Variants in MALL observed in about 807,000 individuals in gnomAD.
The protein encoded by MALL is MAL-like protein.
A neutral mutation model predicts 10.3 loss-of-function variants in MALL; 2 were observed. That is an observed-to-expected ratio of 0.19 (90% CI 0.08 to 0.61). The LOEUF is 0.61. MALL is among the 20% of genes least tolerant of loss of function. The pLI is 0.88. For missense variants in MALL, 39 were observed against 115.2 expected, an observed-to-expected ratio of 0.34 and a Z score of 3.03; for synonymous variants, 27 against 51.8, an observed-to-expected ratio of 0.52 and a Z score of 2.05.
At chr2:110,095,928 T>C (rs1678431292) in intron 1 of MALL, among the ~76,000 whole-genome samples, 1 of 152,194 alleles carries the variant, frequency 6.6e-6, no homozygotes, top group Admixed American at 6.5e-5. Flanking sequence ...TGGATTGGAA[T>C]GCATCAACTA....
At chr2:110,116,464 C>G (rs1242284668), upstream of MALL, 1 of 152,404 alleles carries the variant, frequency 6.6e-6, no homozygotes, top group Non-Finnish European at 1.5e-5. Flanking sequence ...GTCCTCCACT[C>G]CTCTTTTCCT....
chr2:110,116,085 T>C (rs982341051), upstream of MALL: 1 of 313,812 alleles, frequency 3.2e-6, no homozygotes, highest in African/African-American at 2.1e-5. Context: ...CCCCGGAGCA[T>C]GTTATTCCAG....
chr2:110,100,594 G>A lies in MALL; in HGVS notation c.106-8824C>T, dbSNP rs1054260989. Among the ~76,000 whole-genome samples, 94 of 152,218 alleles carry A rather than the reference G, an allele frequency of 6.2e-4. 1 individual carries two copies. Among genetic ancestry groups the A allele is most frequent in the Admixed American group, 2.2e-3 (33 of 15,298 alleles). ...TTCACTTACACACACACCCACACCC[G>A]CCTGTAGTGTACCAGGTTGCGATGG... On this transcript the variant is annotated intron_variant, in intron 1 of 3. Transcript: ENST00000272462.
Position 110,115,676 on chromosome 2 carries a change from T to C in MALL, c.105+12A>G, listed in dbSNP as rs376999227. The C allele has an allele frequency of 1.2e-4, 155 of 1,264,064 alleles. No individual in the cohort carries two copies. The highest frequency in any genetic ancestry group is 1.5e-4 in the Non-Finnish European group (147 of 996,760). The allele number at this position is 1,264,064 out of a possible 1,614,324, so 78.3% of individuals were successfully genotyped here. A position where few individuals can be genotyped will look rare whatever the true frequency, so the allele number is the denominator to read the frequency against. ...CTCTGCAGGTGGCCCGGGTCGGGGG[T>C]GCCGCACTCACCAGCTCGGGCAGGA... On this transcript the variant is annotated intron_variant, in intron 1 of 3. Coordinates refer to ENST00000272462, the MANE Select transcript of MALL (RefSeq NM_005434.5).
chr2:110,099,386 A>C (rs754309877), intron 1 of MALL, among the ~76,000 whole-genome samples: 3 of 152,178 alleles, frequency 2.0e-5, no homozygotes, highest in Admixed American at 6.5e-5. Context: ...CTTAGCAAGT[A>C]GGTGGATTTG....
At chr2:110,095,551 G>C (rs1678422710) in intron 1 of MALL, among the ~76,000 whole-genome samples, 1 of 151,772 alleles carries the variant, frequency 6.6e-6, no homozygotes, top group Non-Finnish European at 1.5e-5. Context: ...TTAGAAAGTG[G>C]TTAAGAACTA....
chr2:110,096,304 T>G (rs980472029), intron 1 of MALL, among the ~76,000 whole-genome samples: 1 of 152,156 alleles, frequency 6.6e-6, no homozygotes, highest in Non-Finnish European at 1.5e-5. Flanking sequence ...CCATGCACCA[T>G]GCAGCGCCTT....
intron 1 of MALL, among the ~76,000 whole-genome samples, chr2:110,111,469 G>C (rs1372636766): frequency 6.6e-6 from 1 of 151,800 alleles, no homozygotes; most frequent in Non-Finnish European, 1.5e-5. Flanking sequence ...CCCCTTTCAT[G>C]ATAGCTGCAA....
At chr2:110,104,986 G>A (rs1238885303) in intron 1 of MALL, among the ~76,000 whole-genome samples, 2 of 152,184 alleles carry the variant, frequency 1.3e-5, no homozygotes, top group Non-Finnish European at 2.9e-5. Flanking sequence ...AGTAGTATGG[G>A]CTGGCATTAT....
chr2:110,096,919 A>G (rs1294148954), intron 1 of MALL, among the ~76,000 whole-genome samples: 2 of 152,082 alleles, frequency 1.3e-5, no homozygotes, highest in African/African-American at 4.8e-5. Flanking sequence ...ATTTCACTTG[A>G]TGGAATTTGT....
At chr2:110,095,681 GTCA>G (rs921731939) in intron 1 of MALL, among the ~76,000 whole-genome samples, 2 of 150,634 alleles carry the variant, frequency 1.3e-5, no homozygotes, top group Non-Finnish European at 2.9e-5. Flanking sequence ...ATCTAATCGC[GTCA>G]TCATTTAAAA....
intron 1 of MALL, among the ~76,000 whole-genome samples, chr2:110,105,537 C>T (rs542127545): frequency 1.3e-4 from 20 of 152,226 alleles, no homozygotes; most frequent in African/African-American, 2.6e-4. Flanking sequence ...GACAGGAAGA[C>T]GCCACATGGC....
At chr2:110,107,446 T>C (rs1456025205) in intron 1 of MALL, among the ~76,000 whole-genome samples, 2 of 152,082 alleles carry the variant, frequency 1.3e-5, no homozygotes, top group African/African-American at 2.4e-5. Flanking sequence ...ACAACCTGCA[T>C]GACCCAGCAG....
At chr2:110,112,301 A>G (rs1295117808) in intron 1 of MALL, among the ~76,000 whole-genome samples, 1 of 152,204 alleles carries the variant, frequency 6.6e-6, no homozygotes, top group Non-Finnish European at 1.5e-5. Flanking sequence ...CAGATAACCC[A>G]CAGAGTGGGA....
At chr2:110,105,844 C>A (rs1489759927) in intron 1 of MALL, among the ~76,000 whole-genome samples, 1 of 152,150 alleles carries the variant, frequency 6.6e-6, no homozygotes, top group Non-Finnish European at 1.5e-5. Context: ...CCCTAGGGGG[C>A]TCCCGGGAAG....
intron 1 of MALL, among the ~76,000 whole-genome samples, chr2:110,111,574 A>T (rs1438289141): frequency 6.6e-6 from 1 of 152,186 alleles, no homozygotes. Context: ...CTGCTGAAAG[A>T]AATCACAGAT....
rs112098279 is a variant in MALL at position 110,100,479 on chromosome 2, T to TA, written c.106-8710dup. On this transcript the variant is annotated intron_variant, in intron 1 of 3. Coordinates refer to ENST00000272462, the MANE Select transcript of MALL (RefSeq NM_005434.5). ...CAGAGCAAGACTCTGTCCCCCACCC[T>TA]AAAAAAAAAAAACTTAAGCAGACTA... Among the ~76,000 whole-genome samples the TA allele has an allele frequency of 6.5e-4, 95 of 147,218 alleles. No individual in the cohort carries two copies. The South Asian group carries it at 8.5e-3, about 13-fold the overall frequency.
At chr2:110,102,430 GC>G (rs1574033336) in intron 1 of MALL, among the ~76,000 whole-genome samples, 1 of 152,122 alleles carries the variant, frequency 6.6e-6, no homozygotes, top group East Asian at 1.9e-4. Flanking sequence ...AGGACTGTGT[GC>G]CCTGAGGTCT....
Position 110,112,959 on chromosome 2 carries a change from C to T in MALL, c.105+2729G>A, listed in dbSNP as rs185893777. 3.3e-3 allele frequency among the ~76,000 whole-genome samples: 503 copies of T among 151,398 alleles called. 5 individuals carry two copies. The highest frequency in any genetic ancestry group is 0.012 in the African/African-American group (477 of 41,320). On this transcript the variant is annotated intron_variant, in intron 1 of 3. Transcript: ENST00000272462. ...CAAAAAGGAATGAATTAACAGCATT[C>T]GCACTGACCTGGATGAGCTCGGAGA...
Sources: gnomAD v4.1 joint callset for allele counts (sites outside exome capture counted in the v4.1 genomes callset) on GRCh38, gnomAD v4.1.1 for gene constraint, MANE v1.5 for transcripts, NCBI Gene and HGNC (gene_info 2026-07-23, HGNC 2026-07-21) for gene names.